ATP8A2: variants seen among roughly 807,000 people sequenced by gnomAD.
The protein encoded by ATP8A2 is phospholipid-transporting ATPase IB.
A neutral mutation model predicts 165.6 loss-of-function variants in ATP8A2; 100 were observed. The observed-to-expected ratio is 0.60, with a 90% CI of 0.51 to 0.71. The LOEUF (loss-of-function observed/expected upper bound fraction) is 0.71, where lower values mean the gene tolerates loss of function less well. ATP8A2 is among the 30% of genes least tolerant of loss of function. The pLI is 0.00. For missense variants in ATP8A2, 1,227 were observed against 1,479.5 expected (o/e 0.83, Z 2.80); for synonymous variants, 543 against 548.8 (o/e 0.99, Z 0.15).
intron 27 of ATP8A2, among the ~76,000 whole-genome samples, chr13:25,793,312 A>G (rs1377404598): frequency 6.6e-6 from 1 of 152,208 alleles, no homozygotes; most frequent in Non-Finnish European, 1.5e-5. Flanking sequence ...GTTATTGCCT[A>G]GAGGTTTTCA....
intron 33 of ATP8A2, among the ~76,000 whole-genome samples, chr13:25,948,308 G>C (rs997690819): frequency 7.9e-5 from 12 of 152,140 alleles, no homozygotes; most frequent in African/African-American, 2.9e-4. Context: ...AATAATTGTG[G>C]TTATAATCGA....
chr13:25,392,659 C>A (rs897554817), intron 1 of ATP8A2, among the ~76,000 whole-genome samples: 3 of 149,084 alleles, frequency 2.0e-5, no homozygotes, highest in East Asian at 3.9e-4. Flanking sequence ...TGTTAAATTT[C>A]TTTGTTTTCT....
At chr13:25,507,977 A>G (rs1011423764) in intron 2 of ATP8A2, among the ~76,000 whole-genome samples, 1 of 152,192 alleles carries the variant, frequency 6.6e-6, no homozygotes, top group Non-Finnish European at 1.5e-5. Context: ...TGAGGAGATG[A>G]TATGGCTCAC....
intron 25 of ATP8A2, among the ~76,000 whole-genome samples, chr13:25,722,910 C>T (rs3132359): frequency 0.76 from 116,218 of 152,152 alleles, 44,823 homozygotes; most frequent in Middle Eastern, 0.81. Flanking sequence ...TAATCAAGTA[C>T]ATGAAATTTG....
Position 25,620,985 on chromosome 13 carries a change from A to G in ATP8A2, c.2211+31286A>G, listed in dbSNP as rs80010130. ...TATGATGGGAAGTTCTTTTGAGAGA[A>G]GTGGAGTAGTGGGTGATTGGGCCTA... is the stretch of plus-strand genomic sequence containing the variant. On this transcript the variant is annotated intron_variant, in intron 24 of 36. Transcript: ENST00000381655. 5.1e-3 allele frequency among the ~76,000 whole-genome samples: 778 copies of G among 152,262 alleles called. 6 individuals carry two copies. Among genetic ancestry groups the G allele is most frequent in the African/African-American group, 0.018 (746 of 41,556 alleles).
chr13:25,820,072 G>A (rs777330585), intron 27 of ATP8A2, among the ~76,000 whole-genome samples: 5 of 152,168 alleles, frequency 3.3e-5, no homozygotes, highest in South Asian at 4.1e-4. Context: ...TTAAGTAGTC[G>A]TTTGTTAAGT....
chr13:25,964,078 G>A (rs750950983), intron 34 of ATP8A2, among the ~76,000 whole-genome samples: 48 of 152,314 alleles, frequency 3.2e-4, no homozygotes, highest in Non-Finnish European at 5.6e-4. Flanking sequence ...AGGAGCACTC[G>A]GCCACCCAGC....
intron 2 of ATP8A2, among the ~76,000 whole-genome samples, chr13:25,498,608 A>T (rs1438644894): frequency 6.6e-6 from 1 of 152,204 alleles, no homozygotes; most frequent in Admixed American, 6.5e-5. Flanking sequence ...CCAAGCTCAG[A>T]GGATGATATT....
chr13:25,438,947 A>G (rs2034854622), intron 1 of ATP8A2, among the ~76,000 whole-genome samples: 5 of 152,224 alleles, frequency 3.3e-5, no homozygotes, highest in Admixed American at 3.3e-4. Context: ...CAGAGAGAAT[A>G]TATTTGGCTC....
intron 28 of ATP8A2, among the ~76,000 whole-genome samples, chr13:25,832,352 T>TTA (rs935606845): frequency 1.3e-5 from 2 of 152,228 alleles, no homozygotes; most frequent in Non-Finnish European, 2.9e-5. Context: ...AACACTCTAG[T>TTA]ATTATTTGAC....
chr13:25,503,004 G>A (rs1284751308), intron 2 of ATP8A2, among the ~76,000 whole-genome samples: 2 of 152,206 alleles, frequency 1.3e-5, no homozygotes, highest in African/African-American at 4.8e-5. Context: ...GGCATTGAGA[G>A]CTGTCCAGCC....
chr13:25,961,728 A>T, intron 34 of ATP8A2, 65 bp downstream of exon 34: 1 of 1,193,498 alleles, frequency 8.4e-7, no homozygotes, highest in Non-Finnish European at 1.3e-6. Flanking sequence ...TGTCTTTCTC[A>T]TGAGTCCTGC....
rs1566224845 is a variant in ATP8A2, at chr13:25,528,800, C to CATATGCAACACGTGTATGCAT, written c.222-1198_222-1197insTATGCAACACGTGTATGCATA. Among the ~76,000 whole-genome samples the CATATGCAACACGTGTATGCAT allele has an allele frequency of 1.0e-4, 7 of 68,518 alleles. No individual in the cohort carries two copies. In the East Asian group the frequency reaches 1.4e-3, roughly 14 times the overall value. 45.0% of individuals were successfully genotyped at this position (68,518 alleles called of 152,430 possible). A position where few individuals can be genotyped will look rare whatever the true frequency, so the allele number is the denominator to read the frequency against. ...CACACATATGCAACATGTGTATGCA[C>CATATGCAACACGTGTATGCAT]ACATATGCAACATGTGTATGCACAC... On this transcript the variant is annotated intron_variant, in intron 2 of 36. Transcript: ENST00000381655.
At chr13:25,662,841 C>T (rs1430206426) in intron 24 of ATP8A2, among the ~76,000 whole-genome samples, 1 of 152,174 alleles carries the variant, frequency 6.6e-6, no homozygotes, top group Non-Finnish European at 1.5e-5. Flanking sequence ...ATGCAGCATC[C>T]TTTTAGAATA....
Position 25,671,443 on chromosome 13 carries a change from A to G in ATP8A2, c.2212-27730A>G, listed in dbSNP as rs183581330. On this transcript the variant is annotated intron_variant, in intron 24 of 36. Transcript: ENST00000381655. The stretch of plus-strand genomic sequence containing the variant: ...CCGGTGAGCCAGGCGGAACAGAGCC[A>G]TATTTCTCTTCTTTCAAAAGCAAAT... Among the ~76,000 whole-genome samples the G allele has an allele frequency of 1.9e-3, 285 of 152,336 alleles. 3 individuals are homozygous for G. Among genetic ancestry groups the G allele is most frequent in the African/African-American group, 6.3e-3 (260 of 41,584 alleles).
At chr13:25,404,365 G>T (rs560700292) in intron 1 of ATP8A2, among the ~76,000 whole-genome samples, 49 of 152,226 alleles carry the variant, frequency 3.2e-4, no homozygotes, top group Non-Finnish European at 5.9e-4. Flanking sequence ...GAAAAGCTCA[G>T]CCTGGTTAAA....
intron 1 of ATP8A2, among the ~76,000 whole-genome samples, chr13:25,409,370 C>A (rs577543225): frequency 3.5e-4 from 53 of 152,148 alleles, no homozygotes; most frequent in Non-Finnish European, 6.2e-4. Flanking sequence ...AGACAAGATC[C>A]TGGACATCCA....
intron 24 of ATP8A2, among the ~76,000 whole-genome samples, chr13:25,630,574 A>G (rs552323004): frequency 2.0e-5 from 3 of 152,300 alleles, no homozygotes; most frequent in Non-Finnish European, 4.4e-5. Context: ...GTGGTTTGCT[A>G]AACACAACTA....
chr13:25,545,045 TG>T (rs1298834396), intron 10 of ATP8A2, among the ~76,000 whole-genome samples: 1 of 151,486 alleles, frequency 6.6e-6, no homozygotes, highest in Non-Finnish European at 1.5e-5. Flanking sequence ...ACCGTCTGCT[TG>T]GGGGTACTCA....
Sources: allele counts gnomAD v4.1 joint callset (sites outside exome capture counted in the v4.1 genomes callset), GRCh38; gene constraint gnomAD v4.1.1; transcripts MANE v1.5; gene names NCBI Gene and HGNC (gene_info 2026-07-23, HGNC 2026-07-21).